Variants in CADPS observed in about 807,000 individuals in gnomAD.
CADPS encodes calcium-dependent secretion activator 1.
A neutral mutation model predicts 167.3 loss-of-function variants in CADPS; 57 were observed. That is an observed-to-expected ratio of 0.34 (90% CI 0.28 to 0.42). The LOEUF is 0.42. Ranked by LOEUF, CADPS falls within the 20% of genes least tolerant of loss-of-function variation. The pLI, the probability that CADPS is intolerant of heterozygous loss-of-function variation, is 1.00. For missense variants in CADPS, 1,414 were observed against 1,738.1 expected, an observed-to-expected ratio of 0.81 and a Z score of 3.32; for synonymous variants, 676 against 635.3, an observed-to-expected ratio of 1.06 and a Z score of -0.96.
chr3:62,853,548 C>T (rs1383732065), intron 1 of CADPS, among the ~76,000 whole-genome samples: 3 of 150,750 alleles, frequency 2.0e-5, no homozygotes, highest in Non-Finnish European at 2.9e-5. Context: ...TCACTTGAAC[C>T]TTTGAGGCGG....
chr3:62,821,002 T>A (rs937374027), intron 1 of CADPS, among the ~76,000 whole-genome samples: 1 of 152,098 alleles, frequency 6.6e-6, no homozygotes, highest in Non-Finnish European at 1.5e-5. Flanking sequence ...GGTTTCACCA[T>A]GTTGGCCAGG....
chr3:62,699,657 C>T (rs2081028626), intron 3 of CADPS, among the ~76,000 whole-genome samples: 2 of 152,078 alleles, frequency 1.3e-5, no homozygotes, highest in South Asian at 4.1e-4. Context: ...CATCCTCCGC[C>T]TTCCAGGTTC....
At chr3:62,660,262 C>T (rs1346471363) in intron 4 of CADPS, among the ~76,000 whole-genome samples, 1 of 152,140 alleles carries the variant, frequency 6.6e-6, no homozygotes, top group African/African-American at 2.4e-5. Flanking sequence ...GGGATGAATA[C>T]TTTTTAGTTG....
At chr3:62,700,745 G>T (rs533401788) in intron 3 of CADPS, among the ~76,000 whole-genome samples, 2 of 152,228 alleles carry the variant, frequency 1.3e-5, no homozygotes, top group South Asian at 4.2e-4. Flanking sequence ...TTAGGGCTGG[G>T]AAAACTGAGC....
At chr3:62,787,533 T>C (rs1429162046) in intron 1 of CADPS, among the ~76,000 whole-genome samples, 1 of 152,218 alleles carries the variant, frequency 6.6e-6, no homozygotes, top group Non-Finnish European at 1.5e-5. Flanking sequence ...AAATGTACAC[T>C]TTTATCTATA....
At chr3:62,689,037 T>C (rs1323182281) in intron 3 of CADPS, among the ~76,000 whole-genome samples, 1 of 152,108 alleles carries the variant, frequency 6.6e-6, no homozygotes, top group Admixed American at 6.5e-5. Flanking sequence ...TTCTTTTCAC[T>C]TCCTTTGTTA....
intron 1 of CADPS, among the ~76,000 whole-genome samples, chr3:62,773,805 T>G (rs2089559963): frequency 1.3e-5 from 2 of 152,212 alleles, no homozygotes; most frequent in Admixed American, 6.5e-5. Context: ...TATATAACAA[T>G]TCTTGCTCAT....
At chr3:62,622,672 T>C (rs1309062310) in intron 6 of CADPS, among the ~76,000 whole-genome samples, 8 of 152,092 alleles carry the variant, frequency 5.3e-5, no homozygotes, top group African/African-American at 1.9e-4. Context: ...GGTACACTGG[T>C]CCACTTGATG....
Position 62,602,817 on chromosome 3 carries a change from C to G in CADPS, c.1326-10069G>C, listed in dbSNP as rs146831679. On this transcript the variant is annotated intron_variant, in intron 6 of 29. Transcript: ENST00000383710. This position sits in a 1 kb window ranked among gnomAD's most constrained non-coding sequence, Gnocchi z 4.4. Reference sequence around the variant, plus strand: ...AACCTCAGCTTGATCTCTTCTCCCTCACATCTGTTCCTCTAAGGCTTCCCC... The same window carrying G: ...AACCTCAGCTTGATCTCTTCTCCCTGACATCTGTTCCTCTAAGGCTTCCCC... Among the ~76,000 whole-genome samples the G allele has an allele frequency of 2.6e-5, 4 of 152,168 alleles. No homozygotes were observed. Among genetic ancestry groups the G allele is most frequent in the Admixed American group, 2.6e-4 (4 of 15,274 alleles).
intron 6 of CADPS, among the ~76,000 whole-genome samples, chr3:62,613,443 CGTT>C: frequency 6.6e-6 from 1 of 152,228 alleles, no homozygotes; most frequent in East Asian, 1.9e-4. Flanking sequence ...GTTCAGAAAA[CGTT>C]GGCTTGAACA....
At chr3:62,529,390 T>C (rs559333621) in intron 13 of CADPS, among the ~76,000 whole-genome samples, 27 of 152,330 alleles carry the variant, frequency 1.8e-4, no homozygotes, top group African/African-American at 6.0e-4. Flanking sequence ...ATTTGTTCTC[T>C]GCTCCACTTG....
At chr3:62,757,220 T>C (rs2084161616) in intron 2 of CADPS, among the ~76,000 whole-genome samples, 1 of 152,204 alleles carries the variant, frequency 6.6e-6, no homozygotes, top group Non-Finnish European at 1.5e-5. Flanking sequence ...TCTACATCTA[T>C]GCACATTAGT....
At chr3:62,488,951 G>T (rs980848032) in intron 21 of CADPS, among the ~76,000 whole-genome samples, 37 of 152,062 alleles carry the variant, frequency 2.4e-4, no homozygotes, top group Admixed American at 9.8e-4. Context: ...GTTATTATTC[G>T]CAACTATTAT....
chr3:62,775,858 A>G (rs2090150175), intron 1 of CADPS, among the ~76,000 whole-genome samples: 1 of 152,108 alleles, frequency 6.6e-6, no homozygotes, highest in Admixed American at 6.6e-5. Context: ...TAAAATTAAC[A>G]CTTTCTATGG....
intron 3 of CADPS, among the ~76,000 whole-genome samples, chr3:62,695,437 A>T (rs1457409193): frequency 6.6e-6 from 1 of 152,122 alleles, no homozygotes; most frequent in East Asian, 1.9e-4. Flanking sequence ...GAGAATCTGC[A>T]TTAATACGGC....
intron 3 of CADPS, among the ~76,000 whole-genome samples, chr3:62,682,380 G>A (rs2077282627): frequency 6.6e-6 from 1 of 152,020 alleles, no homozygotes; most frequent in Non-Finnish European, 1.5e-5. Context: ...GTTCTTGCAA[G>A]GAAGCCCAAA....
chr3:62,436,338 G>A (rs2055040594), intron 28 of CADPS, among the ~76,000 whole-genome samples: 1 of 151,812 alleles, frequency 6.6e-6, no homozygotes, highest in African/African-American at 2.4e-5. Flanking sequence ...ACGTACACAC[G>A]GGCCACATAA....
chr3:62,709,330 C>A (rs75979417), intron 3 of CADPS, among the ~76,000 whole-genome samples: 13,064 of 152,162 alleles, frequency 0.086, 701 homozygotes, highest in South Asian at 0.16. Context: ...GGGTGCAGGG[C>A]TTTACTTTTG....
At chr3:62,604,961 C>T (rs2060488705) in intron 6 of CADPS, among the ~76,000 whole-genome samples, 1 of 152,248 alleles carries the variant, frequency 6.6e-6, no homozygotes, top group South Asian at 2.1e-4. Flanking sequence ...ATTTCCAACA[C>T]TGGGTGTTTC....
Sources: gnomAD v4.1 joint callset for allele counts (sites outside exome capture counted in the v4.1 genomes callset) on GRCh38, gnomAD v4.1.1 for gene constraint, Gnocchi (gnomAD v3.1) non-coding constraint, MANE v1.5 for transcripts, NCBI Gene and HGNC (gene_info 2026-07-23, HGNC 2026-07-21) for gene names.